ARHGEF10L: variants seen among roughly 807,000 people sequenced by gnomAD.
The protein encoded by ARHGEF10L is rho guanine nucleotide exchange factor 10-like protein.
In ARHGEF10L, 69 loss-of-function variants were observed where a neutral mutation model predicts 141.2. The ratio of observed to expected loss-of-function variants is 0.49; its 90% CI spans 0.40 to 0.60. The LOEUF is 0.60. Ranked by LOEUF, ARHGEF10L falls within the 20% of genes least tolerant of loss-of-function variation. ARHGEF10L has a pLI of 0.00. For synonymous variants in ARHGEF10L, 711 were observed against 718.5 expected (o/e 0.99, Z 0.17); for missense variants, 1,482 against 1,734.3 (o/e 0.85, Z 2.58).
chr1:17,642,477 G>C (rs892569355), intron 21 of ARHGEF10L, among the ~76,000 whole-genome samples: 2 of 152,172 alleles, frequency 1.3e-5, no homozygotes, highest in African/African-American at 4.8e-5. Context: ...ATAGCATTGA[G>C]AGCTGGATAG....
At chr1:17,549,738 A>G (rs2077044313) in intron 1 of ARHGEF10L, among the ~76,000 whole-genome samples, 1 of 152,194 alleles carries the variant, frequency 6.6e-6, no homozygotes, top group South Asian at 2.1e-4. Context: ...CACTTCCCAT[A>G]AATACCTTTA....
chr1:17,529,978 G>A, the ARHGEF10L span, among the ~76,000 whole-genome samples: 2 of 151,856 alleles, frequency 1.3e-5, no homozygotes, highest in African/African-American at 4.8e-5. Flanking sequence ...GACTACAGGC[G>A]CCTGCCACCA....
intron 26 of ARHGEF10L, among the ~76,000 whole-genome samples, chr1:17,686,895 G>A (rs2064648922): frequency 1.3e-5 from 2 of 149,720 alleles, no homozygotes; most frequent in African/African-American, 2.5e-5. Context: ...TGAAAGGCTC[G>A]TCCACACTCC....
rs1227314228 is a variant in ARHGEF10L, at chr1:17,640,391, G to A, written c.2272+89G>A. 1.2e-5 allele frequency: 13 copies of A among 1,104,366 alleles called. 1 individual carries two copies. The highest frequency in any genetic ancestry group is 2.9e-4 in the Middle Eastern group (1 of 3,502). The allele number at this position is 1,104,366 out of a possible 1,614,324, so 68.4% of individuals were successfully genotyped here. A position where few individuals can be genotyped will look rare whatever the true frequency, so the allele number is the denominator to read the frequency against. On this transcript the variant is annotated intron_variant, in intron 21 of 28. Coordinates refer to ENST00000361221, the MANE Select transcript of ARHGEF10L (RefSeq NM_018125.4). ...GAGTGAGGGTACAGGATGGGTGTTCGGGGTCAGCGGGGGGCAGGGAGGCTT... is the reference window on the plus strand; with the variant it reads ...GAGTGAGGGTACAGGATGGGTGTTCAGGGTCAGCGGGGGGCAGGGAGGCTT...
chr1:17,695,170 T>C lies in ARHGEF10L; in HGVS notation c.3197T>C (p.Leu1066Ser), dbSNP rs2065403755. 1 of 1,612,822 alleles carries C rather than the reference T, an allele frequency of 6.2e-7. No individual in the cohort carries two copies. The highest frequency in any genetic ancestry group is 8.5e-7 in the Non-Finnish European group (1 of 1,179,948). Residue 1066 changes from leucine to serine, a missense_variant, in exon 28 of 29, where the codon TTG becomes TCG. Transcript: ENST00000361221. ...TTFLLPGQKH[L>S]CVTSLLICQG... ...TCTCTTTCTGCAGGCCAGAAGCACTTGTGTGTCACCAGCCTCCTGATCTGC... is the reference window on the plus strand; with the variant it reads ...TCTCTTTCTGCAGGCCAGAAGCACTCGTGTGTCACCAGCCTCCTGATCTGC...
chr1:17,588,382 A>G (rs1570661641), intron 3 of ARHGEF10L, 64 bp from the exon 4 acceptor site: 3 of 1,584,388 alleles, frequency 1.9e-6, no homozygotes, highest in African/African-American at 2.7e-5. Flanking sequence ...AGGGGCGGGG[A>G]AGGCCTGAGT....
At chr1:17,537,893 A>T (rs548841226), upstream of ARHGEF10L, among the ~76,000 whole-genome samples, 1 of 151,684 alleles carries the variant, frequency 6.6e-6, no homozygotes, top group African/African-American at 2.4e-5. Context: ...AGAAAAAAAA[A>T]ATGAGCCAGG....
the ARHGEF10L span, among the ~76,000 whole-genome samples, chr1:17,527,328 C>G: frequency 2.6e-5 from 4 of 152,208 alleles, no homozygotes; most frequent in African/African-American, 4.8e-5. Context: ...TCTTTTAATA[C>G]ACCAGAGAAT....
intron 7 of ARHGEF10L, among the ~76,000 whole-genome samples, chr1:17,612,215 T>C (rs1284296597): frequency 1.3e-5 from 2 of 152,218 alleles, no homozygotes; most frequent in African/African-American, 4.8e-5. Context: ...TAGCTTGGAA[T>C]TGGTGGAAGT....
intron 1 of ARHGEF10L, among the ~76,000 whole-genome samples, chr1:17,557,810 G>A (rs1344284376): frequency 2.0e-5 from 3 of 152,186 alleles, no homozygotes; most frequent in South Asian, 2.1e-4. Context: ...GGAGACAGAC[G>A]GTGATTACAT....
At chr1:17,540,415 G>T (rs1042091722) in intron 1 of ARHGEF10L, among the ~76,000 whole-genome samples, 1 of 152,090 alleles carries the variant, frequency 6.6e-6, no homozygotes, top group Non-Finnish European at 1.5e-5. Flanking sequence ...GCCCAGAGGC[G>T]GAACGGGACG....
At chr1:17,560,548 A>T (rs1463617937) in intron 1 of ARHGEF10L, among the ~76,000 whole-genome samples, 1 of 152,190 alleles carries the variant, frequency 6.6e-6, no homozygotes, top group Non-Finnish European at 1.5e-5. Flanking sequence ...ATTTGGGAGT[A>T]ACCACCTGGC....
rs556527872 is a variant in ARHGEF10L, at chr1:17,607,936, G to A, written c.568G>A (p.Glu190Lys). ...DSGEEAKPEV[E>K]VEPAKHRVSF... ...GGGGGAGGAGGCCAAGCCGGAGGTC[G>A]AGGTCGAGCCCGCCAAGCACCGAGT... The change falls in exon 7 of 29, where the codon GAG (glutamate) becomes AAG (lysine). Residue 190 changes from glutamate (E) to lysine (K), a missense_variant. By Grantham distance (56) the Glu-to-Lys change is moderately conservative (BLOSUM62 1). Around this residue, in one of 3 missense-constraint regions of ARHGEF10L, gnomAD observed 392 missense variants for 542.1 expected, o/e 0.72. Transcript: ENST00000361221. The surrounding 1 kb of genome is among the most constrained non-coding windows in gnomAD (Gnocchi z 4.5). 9 of 1,512,794 alleles carry A rather than the reference G, an allele frequency of 5.9e-6. No homozygotes were observed. The highest frequency in any genetic ancestry group is 2.6e-5 in the East Asian group (1 of 38,452). The allele number at this position is 1,512,794 out of a possible 1,614,324, so 93.7% of individuals were successfully genotyped here.
chr1:17,607,552 G>C lies in ARHGEF10L; in HGVS notation c.434-250G>C, dbSNP rs2081289493. Among the ~76,000 whole-genome samples, 1 of 152,236 alleles carries C rather than the reference G, an allele frequency of 6.6e-6. No individual in the cohort carries two copies. On this transcript the variant is annotated intron_variant, in intron 6 of 28. Coordinates refer to ENST00000361221, the MANE Select transcript of ARHGEF10L (RefSeq NM_018125.4). The surrounding 1 kb of genome is among the most constrained non-coding windows in gnomAD (Gnocchi z 4.5). The stretch of plus-strand genomic sequence containing the variant: ...CAGTGCTGGGAGCAAAAGGAAGTGA[G>C]CGGGCTTGTGCACGTCTGACCCATT...
chr1:17,544,243 G>A (rs1418441645), intron 1 of ARHGEF10L, among the ~76,000 whole-genome samples: 1 of 150,900 alleles, frequency 6.6e-6, no homozygotes, highest in East Asian at 2.0e-4. Flanking sequence ...ATGAGCCACT[G>A]TGACTGGCCA....
intron 21 of ARHGEF10L, among the ~76,000 whole-genome samples, chr1:17,648,249 G>A (rs74059391): frequency 0.019 from 2,845 of 152,298 alleles, 86 homozygotes; most frequent in African/African-American, 0.065. Flanking sequence ...GGCATTTCTA[G>A]CATTCCTATT....
intron 12 of ARHGEF10L, 25 bp from the exon 13 acceptor site, chr1:17,624,362 C>T (rs1384648772): frequency 1.3e-6 from 2 of 1,588,858 alleles, no homozygotes; most frequent in Admixed American, 1.7e-5. Flanking sequence ...GGCGGTCTCC[C>T]TGGCCCACAC....
intron 9 of ARHGEF10L, chr1:17,618,262 A>ACC: frequency 1.8e-5 from 12 of 684,234 alleles, no homozygotes; most frequent in East Asian, 5.8e-5. Context: ...AGCCCTCCCC[A>ACC]CCCCGCCCAC....
chr1:17,647,296 CTG>C (rs1286112318), intron 21 of ARHGEF10L, among the ~76,000 whole-genome samples: 1 of 152,168 alleles, frequency 6.6e-6, no homozygotes, highest in Non-Finnish European at 1.5e-5. Flanking sequence ...GTGTCATCCT[CTG>C]TGGAGTGAAA....
Sources: allele counts gnomAD v4.1 joint callset (sites outside exome capture counted in the v4.1 genomes callset), GRCh38; gene constraint gnomAD v4.1.1; regional missense constraint gnomAD v4.1.1; non-coding constraint Gnocchi (gnomAD v3.1); transcripts MANE v1.5; gene names NCBI Gene and HGNC (gene_info 2026-07-23, HGNC 2026-07-21).